Variants in TBCK observed in about 807,000 individuals in gnomAD.
TBCK encodes the protein TBC1 domain containing kinase.
TBCK carries 99 observed loss-of-function variants against 113.4 expected under a neutral mutation model. That is an observed-to-expected ratio of 0.87 (90% confidence interval 0.74 to 1.03). The LOEUF is 1.03. Ranked by LOEUF, TBCK falls within the 50% of genes least tolerant of loss-of-function variation. TBCK has a pLI of 0.00. For synonymous variants in TBCK, 369 were observed against 370.8 expected, an observed-to-expected ratio of 1.00 and a Z score of 0.05; for missense variants, 1,045 against 1,061.3, an observed-to-expected ratio of 0.98 and a Z score of 0.21.
chr4:106,251,772 G>T, intron 6 of TBCK, 94 bp downstream of exon 6: 1 of 1,144,068 alleles, frequency 8.7e-7, no homozygotes, highest in Non-Finnish European at 1.1e-6. Context: ...AATTTGTACA[G>T]CAAAAACATA....
chr4:106,212,684 T>G, intron 20 of TBCK, 66 bp downstream of exon 20: 1 of 1,185,728 alleles, frequency 8.4e-7, no homozygotes, highest in Non-Finnish European at 1.2e-6. Context: ...AAATACACTC[T>G]TCTGTGCTAA....
intron 5 of TBCK, among the ~76,000 whole-genome samples, chr4:106,259,134 G>A (rs916826524): frequency 5.9e-5 from 9 of 151,552 alleles, no homozygotes; most frequent in African/African-American, 2.2e-4. Flanking sequence ...TTTCCTCACT[G>A]AATAAAGTTT....
intron 25 of TBCK, among the ~76,000 whole-genome samples, chr4:106,057,298 C>T (rs1444786779): frequency 1.3e-5 from 2 of 151,566 alleles, no homozygotes. Context: ...AATCTCTGTT[C>T]CTTGGTGTTT....
chr4:106,108,208 A>G (rs1271098494), intron 24 of TBCK, among the ~76,000 whole-genome samples: 2 of 152,202 alleles, frequency 1.3e-5, no homozygotes, highest in African/African-American at 2.4e-5. Context: ...TCCTACTGTG[A>G]CTATTCCAAA....
intron 25 of TBCK, among the ~76,000 whole-genome samples, chr4:106,067,656 G>A (rs75004752): frequency 0.01 from 1,576 of 152,166 alleles, 28 homozygotes; most frequent in African/African-American, 0.034. Flanking sequence ...GGTCCATTTT[G>A]AGTTAAATTT....
chr4:106,250,541 T>G (rs1761316887), intron 6 of TBCK, 63 bp from the exon 7 acceptor site: 1 of 914,258 alleles, frequency 1.1e-6, no homozygotes, highest in Non-Finnish European at 1.7e-6. Context: ...GAAGGCATTT[T>G]TCTCCCCTTA....
intron 23 of TBCK, among the ~76,000 whole-genome samples, chr4:106,121,138 G>A (rs543202590): frequency 1.2e-4 from 18 of 152,130 alleles, no homozygotes; most frequent in Non-Finnish European, 2.9e-5. Context: ...CATCTCACGT[G>A]CAGAGACACA....
rs538340679 is a variant in TBCK, at chr4:106,176,858, C to T, written c.2060-5588G>A. Among the ~76,000 whole-genome samples, 4 of 151,780 alleles carry T rather than the reference C, an allele frequency of 2.6e-5. 1 individual carries two copies. Among genetic ancestry groups the T allele is most frequent in the African/African-American group, 9.7e-5 (4 of 41,432 alleles). The stretch of plus-strand genomic sequence containing the variant: ...TTATTTTTCTCTTCTTCGTAATAGC[C>T]TTTTAAACTTGGATAAAATTTCATT... On this transcript the variant is annotated intron_variant, in intron 22 of 25. Transcript: ENST00000394708.
chr4:106,258,655 A>C (rs1475980068), intron 5 of TBCK, among the ~76,000 whole-genome samples: 1 of 151,994 alleles, frequency 6.6e-6, no homozygotes, highest in Admixed American at 6.6e-5. Context: ...AGTACCTTTA[A>C]ATAAAAATCA....
chr4:106,276,980 T>C (rs1579481884), intron 3 of TBCK, among the ~76,000 whole-genome samples: 2 of 151,968 alleles, frequency 1.3e-5, no homozygotes, highest in East Asian at 1.9e-4. Flanking sequence ...ATATAGAGAA[T>C]ACACAAAGAA....
chr4:106,137,032 G>A (rs1483199572), intron 23 of TBCK, among the ~76,000 whole-genome samples: 2 of 140,602 alleles, frequency 1.4e-5, no homozygotes, highest in Non-Finnish European at 3.2e-5. Flanking sequence ...AGTGACAGAT[G>A]GCAGATAAAG....
chr4:106,080,677 A>T (rs1229090422), intron 25 of TBCK, among the ~76,000 whole-genome samples: 1 of 152,220 alleles, frequency 6.6e-6, no homozygotes, highest in Non-Finnish European at 1.5e-5. Flanking sequence ...AATGGGACCT[A>T]ATTAAACTGA....
chr4:106,168,959 GATAGTCAAAGGA>G (rs1750698566), intron 23 of TBCK, among the ~76,000 whole-genome samples: 1 of 151,988 alleles, frequency 6.6e-6, no homozygotes, highest in Non-Finnish European at 1.5e-5. Flanking sequence ...GTACCAAGAT[GATAGTCAAAGGA>G]AATGCTCATT....
intron 19 of TBCK, among the ~76,000 whole-genome samples, chr4:106,226,624 G>T (rs550583848): frequency 6.6e-6 from 1 of 152,220 alleles, no homozygotes; most frequent in Non-Finnish European, 1.5e-5. Context: ...TTTAGCTGAT[G>T]ATTATTAAAT....
chr4:106,193,635 C>T lies in TBCK; in HGVS notation c.2033G>A (p.Cys678Tyr). 6.2e-7 allele frequency: 1 copy of T among 1,613,368 alleles called. No homozygotes were observed. The highest frequency in any genetic ancestry group is 8.5e-7 in the Non-Finnish European group (1 of 1,179,572). ...TGGTAAATCGGAGAAGAGAAGAATA[C>T]ACTCATTAAAGCCATTAGCCAAAAG... ...DRLLANGFNE[C>Y]ILLFSDLPEI... Residue 678 changes from cysteine to tyrosine, a missense_variant, in exon 22 of 26, where the codon TGT (cysteine) becomes TAT (tyrosine). Cys to Tyr is a radical substitution (Grantham distance 194). Coordinates refer to ENST00000394708, the MANE Select transcript of TBCK (RefSeq NM_001163435.3).
At chr4:106,313,018 G>A (rs1768359957) in intron 1 of TBCK, among the ~76,000 whole-genome samples, 1 of 152,070 alleles carries the variant, frequency 6.6e-6, no homozygotes, top group Non-Finnish European at 1.5e-5. Flanking sequence ...TTATGGATGA[G>A]TACATGCATC....
chr4:106,055,701 T>G (rs1735307473), intron 25 of TBCK, among the ~76,000 whole-genome samples: 1 of 151,678 alleles, frequency 6.6e-6, no homozygotes, highest in Non-Finnish European at 1.5e-5. Flanking sequence ...TATGCAATTT[T>G]TTTCTTATTT....
chr4:106,126,653 GAAT>G (rs1438138193), intron 23 of TBCK, among the ~76,000 whole-genome samples: 1 of 152,128 alleles, frequency 6.6e-6, no homozygotes, highest in Admixed American at 6.5e-5. Context: ...ATGAATGAAT[GAAT>G]GAGTGAATAA....
At chr4:106,295,050 C>A in intron 3 of TBCK, 44 bp downstream of exon 3, 1 of 1,504,178 alleles carries the variant, frequency 6.6e-7, no homozygotes, top group Non-Finnish European at 9.0e-7. Flanking sequence ...TTTTTGTTTG[C>A]CAAGTTCTGC....
Sources: gnomAD v4.1 joint callset for allele counts (sites outside exome capture counted in the v4.1 genomes callset) on GRCh38, gnomAD v4.1.1 for gene constraint, MANE v1.5 for transcripts, NCBI Gene and HGNC (gene_info 2026-07-23, HGNC 2026-07-21) for gene names.